CNGB3: variants seen among roughly 807,000 people sequenced by gnomAD.
CNGB3 encodes cyclic nucleotide-gated channel beta-3.
CNGB3 carries 86 observed loss-of-function variants against 92.8 expected under a neutral mutation model. The ratio of observed to expected loss-of-function variants is 0.93; its 90% CI spans 0.78 to 1.11. The LOEUF (loss-of-function observed/expected upper bound fraction) is 1.11. Among genes scored for constraint, CNGB3 ranks in the 50% least tolerant of loss-of-function variants. The probability of loss-of-function intolerance (pLI) is 0.00; values close to 1 mark genes in which losing one functional copy is unlikely to be tolerated. For missense variants in CNGB3, 1,026 were observed against 956.8 expected (o/e 1.07, Z -0.95); for synonymous variants, 333 against 332.7 (o/e 1.00, Z -0.01).
chr8:86,609,210 GT>G (rs2131563624), intron 14 of CNGB3, among the ~76,000 whole-genome samples: 1 of 152,354 alleles, frequency 6.6e-6, no homozygotes, highest in African/African-American at 2.4e-5. Flanking sequence ...AGGTGCTAGA[GT>G]TTATGTGAGT....
chr8:86,726,742 T>G, intron 2 of CNGB3, 85 bp from the exon 3 acceptor site: 1 of 1,503,278 alleles, frequency 6.7e-7, no homozygotes. Context: ...ACAAAGATGC[T>G]GCTTGTTTTT....
rs770597732 is a variant in CNGB3 at position 86,625,973 on chromosome 8, A to C, written c.1578+10T>G. 1.9e-6 allele frequency: 3 copies of C among 1,605,772 alleles called. No homozygotes were observed. Among genetic ancestry groups the C allele is most frequent in the Non-Finnish European group, 2.6e-6 (3 of 1,172,898 alleles). ...TAGATACAGAGTCTATTAATTGTAAAAGCACTTGCCTTGAACAAGTCGACT... is the reference window on the plus strand; with the variant it reads ...TAGATACAGAGTCTATTAATTGTAACAGCACTTGCCTTGAACAAGTCGACT... On this transcript the variant is annotated intron_variant, in intron 13 of 17. Transcript: ENST00000320005.
chr8:86,687,338 A>AG (rs1824208412), intron 3 of CNGB3, among the ~76,000 whole-genome samples: 1 of 152,076 alleles, frequency 6.6e-6, no homozygotes, highest in Admixed American at 6.6e-5. Context: ...TACACAATGA[A>AG]GCATTATTCA....
At chr8:86,632,028 T>A (rs936056354) in intron 11 of CNGB3, among the ~76,000 whole-genome samples, 2 of 151,862 alleles carry the variant, frequency 1.3e-5, no homozygotes, top group East Asian at 3.9e-4. Context: ...CAGGCCACTA[T>A]CCACCTGTCC....
intron 3 of CNGB3, among the ~76,000 whole-genome samples, chr8:86,712,705 G>T (rs1227422620): frequency 1.3e-5 from 2 of 151,008 alleles, no homozygotes; most frequent in African/African-American, 4.9e-5. Flanking sequence ...ATATCTGGTA[G>T]GAATACTACT....
intron 1 of CNGB3, 142 bp from the exon 2 acceptor site, chr8:86,739,878 C>T: frequency 1.9e-6 from 2 of 1,040,226 alleles, no homozygotes; most frequent in Non-Finnish European, 2.8e-6. Context: ...ATGATTCTTG[C>T]ATTTAAAATG....
At chr8:86,642,379 T>C (rs1823206479) in intron 10 of CNGB3, among the ~76,000 whole-genome samples, 1 of 151,796 alleles carries the variant, frequency 6.6e-6, no homozygotes, top group Non-Finnish European at 1.5e-5. Flanking sequence ...AAGGGAATTA[T>C]TTATTTAGTA....
intron 7 of CNGB3, among the ~76,000 whole-genome samples, chr8:86,652,384 A>G (rs1185761657): frequency 1.3e-5 from 2 of 151,946 alleles, no homozygotes; most frequent in African/African-American, 4.8e-5. Context: ...GCTACACTAA[A>G]TTTATTTAAC....
In CNGB3 at chr8:86,713,435, G is replaced by A. The variant is rs116601432; in HGVS notation, c.338+13096C>T. On this transcript the variant is annotated intron_variant, in intron 3 of 17. Transcript: ENST00000320005. Reference sequence around the variant, plus strand: ...CTAGGAGATTTTACAGTGCACTTTGGGCATAGTATATAGTCAACTTTTATA... The same window carrying A: ...CTAGGAGATTTTACAGTGCACTTTGAGCATAGTATATAGTCAACTTTTATA... Among the ~76,000 whole-genome samples the A allele has an allele frequency of 4.0e-3, 613 of 152,110 alleles. 2 individuals are homozygous for A. Among genetic ancestry groups the A allele is most frequent in the African/African-American group, 0.014 (577 of 41,492 alleles).
intron 11 of CNGB3, among the ~76,000 whole-genome samples, chr8:86,629,287 C>A (rs1350045363): frequency 6.6e-6 from 1 of 152,128 alleles, no homozygotes; most frequent in Non-Finnish European, 1.5e-5. Flanking sequence ...GTCCTAATAT[C>A]ACCCACTTCC....
intron 6 of CNGB3, chr8:86,661,799 C>T (rs1045680408): frequency 1.4e-5 from 22 of 1,580,588 alleles, no homozygotes; most frequent in African/African-American, 4.1e-5. Flanking sequence ...ATATCAACCA[C>T]TTCAATTGCT....
chr8:86,715,572 C>T (rs979781542), intron 3 of CNGB3, among the ~76,000 whole-genome samples: 2 of 151,866 alleles, frequency 1.3e-5, no homozygotes, highest in African/African-American at 4.8e-5. Context: ...GATCTTCCCT[C>T]TGAAATAGTC....
chr8:86,609,453 T>A (rs1469664588), intron 14 of CNGB3, among the ~76,000 whole-genome samples: 4 of 152,206 alleles, frequency 2.6e-5, no homozygotes, highest in Admixed American at 2.0e-4. Context: ...TATCATAATC[T>A]CTCTTCCATT....
rs1822984676 is a variant in CNGB3 at position 86,632,676 on chromosome 8, T to C, written c.1320+76A>G. 2.1e-6 allele frequency: 3 copies of C among 1,462,356 alleles called. No individual in the cohort carries two copies. The Admixed American group carries it at 5.8e-5, about 28-fold the overall frequency. 90.6% of individuals were successfully genotyped at this position (1,462,356 alleles called of 1,614,324 possible). On this transcript the variant is annotated intron_variant, in intron 11 of 17. Transcript: ENST00000320005. ...GAACCAGACAGATTTTAATTTTTCC[T>C]CCATAAAGTTTACAAAGACCTGTTA... is the stretch of plus-strand genomic sequence containing the variant.
At chr8:86,684,275 C>A (rs923528427) in intron 3 of CNGB3, among the ~76,000 whole-genome samples, 2 of 152,040 alleles carry the variant, frequency 1.3e-5, no homozygotes, top group African/African-American at 4.8e-5. Flanking sequence ...TTGGGAAATG[C>A]AAATTATAAC....
intron 14 of CNGB3, among the ~76,000 whole-genome samples, chr8:86,606,714 GAGTGAAGTCA>G (rs1409456187): frequency 6.6e-6 from 1 of 152,084 alleles, no homozygotes; most frequent in African/African-American, 2.4e-5. Flanking sequence ...GCAAAAATCC[GAGTGAAGTCA>G]AGTAGGAAAC....
chr8:86,680,193 C>T (rs1824055647), intron 3 of CNGB3, among the ~76,000 whole-genome samples: 1 of 152,034 alleles, frequency 6.6e-6, no homozygotes, highest in South Asian at 2.1e-4. Context: ...GCCATACATC[C>T]CGAGATGACA....
chr8:86,736,797 ATGATT>A (rs1825256403), intron 2 of CNGB3, among the ~76,000 whole-genome samples: 1 of 151,698 alleles, frequency 6.6e-6, no homozygotes, highest in Non-Finnish European at 1.5e-5. Flanking sequence ...CTCTTGGTTT[ATGATT>A]CTTACTATTT....
At chr8:86,645,164 A>G (rs1286481335) in intron 8 of CNGB3, among the ~76,000 whole-genome samples, 1 of 151,346 alleles carries the variant, frequency 6.6e-6, no homozygotes, top group African/African-American at 2.4e-5. Context: ...TTTAAAGTTC[A>G]GTAAGTATTA....
Sources: gnomAD v4.1 joint callset for allele counts (sites outside exome capture counted in the v4.1 genomes callset) on GRCh38, gnomAD v4.1.1 for gene constraint, MANE v1.5 for transcripts, NCBI Gene and HGNC (gene_info 2026-07-23, HGNC 2026-07-21) for gene names.